CTSB: variants seen among roughly 807,000 people sequenced by gnomAD.
The protein encoded by CTSB is cathepsin B.
In CTSB, 57 loss-of-function variants were observed where a neutral mutation model predicts 44.3. The observed-to-expected ratio is 1.29, with a 90% CI of 1.04 to 1.60. The LOEUF is 1.60. CTSB is among the 40% of genes most tolerant of loss of function. The pLI is 0.00. For missense variants in CTSB, 768 were observed against 443.0 expected (o/e 1.73, Z -6.59); for synonymous variants, 320 against 168.0 (o/e 1.91, Z -7.00).
At chr8:11,864,962 C>G (rs1816918044) in intron 1 of CTSB, among the ~76,000 whole-genome samples, 1 of 152,018 alleles carries the variant, frequency 6.6e-6, no homozygotes, top group Non-Finnish European at 1.5e-5. Context: ...AATTTGATCC[C>G]TAAACCTCCT....
intron 1 of CTSB, among the ~76,000 whole-genome samples, chr8:11,858,128 C>T (rs567189038): frequency 2.0e-5 from 3 of 152,264 alleles, no homozygotes; most frequent in African/African-American, 7.2e-5. Flanking sequence ...TGAGGAGGAC[C>T]AAAGCGCCGG....
chr8:11,859,541 A>G (rs999825358), intron 1 of CTSB, among the ~76,000 whole-genome samples: 4 of 152,064 alleles, frequency 2.6e-5, no homozygotes, highest in Non-Finnish European at 5.9e-5. Context: ...CAGGCGGATC[A>G]CCTGAGGTCA....
At chr8:11,847,861 C>T (rs1402903190) in intron 6 of CTSB, 39 bp from the exon 7 acceptor site, 2 of 1,572,140 alleles carry the variant, frequency 1.3e-6, no homozygotes, top group Non-Finnish European at 1.7e-6. Flanking sequence ...AACCTACAGC[C>T]CCCACGGAGA....
In CTSB at chr8:11,847,139, C is replaced by G. The variant is rs371497066; in HGVS notation, c.706G>C (p.Glu236Gln). 5.0e-6 allele frequency: 8 copies of G among 1,602,152 alleles called. No homozygotes were observed. In the South Asian group the frequency reaches 6.6e-5, roughly 13 times the overall value. ...GYNSYSVSNS[E>Q]KDIMAEIYKN... ...TAGATCTCGGCCATGATGTCCTTCT[C>G]GCTATTGGAGACGCTGTAGGAATTG... Residue 236 changes from glutamate to glutamine, a missense_variant, in exon 8 of 10, where the codon GAG becomes CAG. Transcript: ENST00000353047.
At chr8:11,866,648 T>C (rs1314129124) in intron 1 of CTSB, among the ~76,000 whole-genome samples, 3 of 152,022 alleles carry the variant, frequency 2.0e-5, no homozygotes. Flanking sequence ...TCACCTGAGG[T>C]CAGGAGGTCA....
At chr8:11,863,806 G>A (rs73534709) in intron 1 of CTSB, among the ~76,000 whole-genome samples, 6,628 of 152,170 alleles carry the variant, frequency 0.044, 217 homozygotes, top group African/African-American at 0.092. Context: ...TGAGGAACAG[G>A]AACTCTGCAC....
Position 11,844,474 on chromosome 8 carries a change from G to C in CTSB, c.*651C>G, listed in dbSNP as rs1174062438. 2 of 152,262 alleles carry C rather than the reference G, an allele frequency of 1.3e-5. No homozygotes were observed. Among genetic ancestry groups the C allele is most frequent in the Non-Finnish European group, 1.5e-5 (1 of 68,084 alleles). The allele number at this position is 152,262 out of a possible 1,614,324, so 9.4% of individuals were successfully genotyped here. A position where few individuals can be genotyped will look rare whatever the true frequency, so the allele number is the denominator to read the frequency against. ...GGTCAGAAACAACTCCTGACCACTTGGTTTCCTTTTGAGCCGCGTCATAAG... is the reference window on the plus strand; with the variant it reads ...GGTCAGAAACAACTCCTGACCACTTCGTTTCCTTTTGAGCCGCGTCATAAG... On this transcript the variant is annotated 3_prime_UTR_variant, in exon 10 of 10. Transcript: ENST00000353047.
intron 1 of CTSB, among the ~76,000 whole-genome samples, chr8:11,860,619 C>T (rs142067030): frequency 2.8e-3 from 433 of 152,106 alleles, no homozygotes; most frequent in African/African-American, 7.1e-3. Context: ...AGGGAAACTC[C>T]GTCTCAAAAA....
intron 9 of CTSB, 49 bp downstream of exon 9, chr8:11,845,612 G>A (rs1440165534): frequency 5.0e-6 from 8 of 1,593,476 alleles, no homozygotes; most frequent in Admixed American, 1.7e-5. Flanking sequence ...TGGCCACGGG[G>A]TGTGGCTCAC....
intron 1 of CTSB, among the ~76,000 whole-genome samples, chr8:11,864,719 G>C (rs1329185754): frequency 6.6e-6 from 1 of 152,058 alleles, no homozygotes; most frequent in Non-Finnish European, 1.5e-5. Context: ...CACTTTGGGA[G>C]GCGAGGCGGG....
At chr8:11,854,208 G>T (rs76215930) in intron 1 of CTSB, among the ~76,000 whole-genome samples, 2,512 of 152,240 alleles carry the variant, frequency 0.017, 71 homozygotes, top group African/African-American at 0.057. Flanking sequence ...TGTCTCCTGG[G>T]CGCCTGCATC....
At chr8:11,857,709 C>T (rs1362283820) in intron 1 of CTSB, 1 of 152,380 alleles carries the variant, frequency 6.6e-6, no homozygotes, top group East Asian at 1.9e-4. Flanking sequence ...CTGCACCCGC[C>T]CTCCTTTTCA....
chr8:11,862,489 T>G (rs1208853211), intron 1 of CTSB: 2 of 152,252 alleles, frequency 1.3e-5, no homozygotes, highest in Non-Finnish European at 2.9e-5. Flanking sequence ...CTAATTTGGA[T>G]GAAAAATAAT....
chr8:11,855,749 G>A (rs575855525), intron 1 of CTSB, among the ~76,000 whole-genome samples: 8 of 152,244 alleles, frequency 5.3e-5, no homozygotes, highest in Non-Finnish European at 1.2e-4. Context: ...CCGGCATGGT[G>A]GCTCAAGCTT....
chr8:11,858,548 C>T (rs942423178), intron 1 of CTSB, among the ~76,000 whole-genome samples: 11 of 152,186 alleles, frequency 7.2e-5, no homozygotes, highest in Admixed American at 6.5e-4. Flanking sequence ...CCTTGGCCTC[C>T]CAAAGTGTCG....
intron 1 of CTSB, 41 bp downstream of exon 1, chr8:11,867,960 G>A (rs375914191): frequency 1.3e-5 from 2 of 152,128 alleles, no homozygotes; most frequent in East Asian, 1.9e-4. Context: ...TCCCCGCCAA[G>A]GTCACTTACG....
At chr8:11,851,272 C>G (rs905887028) in intron 3 of CTSB, among the ~76,000 whole-genome samples, 5 of 152,184 alleles carry the variant, frequency 3.3e-5, no homozygotes, top group Non-Finnish European at 5.9e-5. Context: ...CCACTGCAAC[C>G]TCTGCCTCCT....
chr8:11,863,613 G>T (rs898967598), intron 1 of CTSB, among the ~76,000 whole-genome samples: 1 of 152,194 alleles, frequency 6.6e-6, no homozygotes, highest in Admixed American at 6.5e-5. Context: ...TGAGCAGTAT[G>T]ATGTAAAAAC....
chr8:11,865,972 T>G (rs1244807511), intron 1 of CTSB, among the ~76,000 whole-genome samples: 1 of 135,292 alleles, frequency 7.4e-6, no homozygotes, highest in Non-Finnish European at 1.5e-5. Flanking sequence ...TGAACCGAGA[T>G]CGCACCACTG....
Sources: allele counts gnomAD v4.1 joint callset (sites outside exome capture counted in the v4.1 genomes callset), GRCh38; gene constraint gnomAD v4.1.1; transcripts MANE v1.5; gene names NCBI Gene and HGNC (gene_info 2026-07-23, HGNC 2026-07-21).